Variants in CCDC172 observed in about 807,000 individuals in gnomAD.
CCDC172 encodes coiled-coil domain-containing protein 172.
A neutral mutation model predicts 38.0 loss-of-function variants in CCDC172; 30 were observed. The ratio of observed to expected loss-of-function variants is 0.79; its 90% CI spans 0.59 to 1.07. The LOEUF (loss-of-function observed/expected upper bound fraction) is 1.07. CCDC172 is among the 50% of genes least tolerant of loss of function. The pLI is 0.00. For synonymous variants in CCDC172, 78 were observed against 88.3 expected, an observed-to-expected ratio of 0.88 and a Z score of 0.66; for missense variants, 297 against 290.1, an observed-to-expected ratio of 1.02 and a Z score of -0.17.
chr10:116,338,590 T>C (rs1844757790), intron 3 of CCDC172, among the ~76,000 whole-genome samples: 1 of 152,132 alleles, frequency 6.6e-6, no homozygotes, highest in Non-Finnish European at 1.5e-5. Flanking sequence ...TAGATTTCAT[T>C]TTTTAGGTAA....
At chr10:116,361,482 A>G (rs1845063883) in intron 7 of CCDC172, among the ~76,000 whole-genome samples, 1 of 152,198 alleles carries the variant, frequency 6.6e-6, no homozygotes, top group Non-Finnish European at 1.5e-5. Flanking sequence ...TGCAATAGGA[A>G]GATTGTTTTA....
intron 7 of CCDC172, among the ~76,000 whole-genome samples, chr10:116,368,673 T>C (rs1305088351): frequency 6.6e-6 from 1 of 152,030 alleles, no homozygotes; most frequent in Non-Finnish European, 1.5e-5. Context: ...ATTATTTTTT[T>C]CAAGAAGCCC....
At chr10:116,365,032 A>G (rs1845106620) in intron 7 of CCDC172, among the ~76,000 whole-genome samples, 1 of 152,166 alleles carries the variant, frequency 6.6e-6, no homozygotes, top group South Asian at 2.1e-4. Flanking sequence ...AGTGACAATA[A>G]CCAGTGCAAA....
At chr10:116,362,626 A>G (rs1006715340) in intron 7 of CCDC172, among the ~76,000 whole-genome samples, 8 of 152,210 alleles carry the variant, frequency 5.3e-5, no homozygotes, top group Non-Finnish European at 1.0e-4. Context: ...AGCTCAAAGT[A>G]GACAAGAGTA....
chr10:116,357,311 G>T, intron 5 of CCDC172, 69 bp from the exon 6 acceptor site: 1 of 934,338 alleles, frequency 1.1e-6, no homozygotes, highest in Admixed American at 3.1e-5. Flanking sequence ...TAGTGTACAG[G>T]TCTTTTACTT....
At chr10:116,360,064 T>C (rs1303566323) in intron 7 of CCDC172, among the ~76,000 whole-genome samples, 2 of 152,146 alleles carry the variant, frequency 1.3e-5, no homozygotes, top group Admixed American at 6.5e-5. Flanking sequence ...ATCAAGATGT[T>C]TGTTTATTTA....
At chr10:116,357,635 A>T (rs980115696) in intron 6 of CCDC172, among the ~76,000 whole-genome samples, 154 bp downstream of exon 6, 37 of 152,152 alleles carry the variant, frequency 2.4e-4, no homozygotes, top group African/African-American at 8.7e-4. Flanking sequence ...TCAACGTGAG[A>T]TCTGATATTT....
chr10:116,370,408 A>G (rs1468502455), intron 7 of CCDC172, among the ~76,000 whole-genome samples: 6 of 151,886 alleles, frequency 4.0e-5, no homozygotes, highest in African/African-American at 1.2e-4. Flanking sequence ...AGCTTTGGCA[A>G]TCCATTTATA....
intron 5 of CCDC172, among the ~76,000 whole-genome samples, chr10:116,354,922 A>T (rs1428924058): frequency 6.6e-6 from 1 of 152,208 alleles, no homozygotes; most frequent in Non-Finnish European, 1.5e-5. Context: ...TTTACAAAAA[A>T]AGTTTAAGAA....
At position 116,379,599 on chromosome 10, in the gene CCDC172, GAGA is replaced by G. The variant is rs375881513; in HGVS notation, c.*247_*249del. On this transcript the variant is annotated 3_prime_UTR_variant, in exon 9 of 9. Coordinates refer to ENST00000333254, the MANE Select transcript of CCDC172 (RefSeq NM_198515.3). The stretch of plus-strand genomic sequence containing the variant: ...ATTTTGTTTCTAAAAGAAGGAAAAG[GAGA>G]AGAAGTAGATACCGTGTTCCCAGGC... 3.5e-5 allele frequency: 12 copies of G among 347,544 alleles called. No homozygotes were observed. The highest frequency in any genetic ancestry group is 1.7e-4 in the African/African-American group (8 of 46,984). The allele number at this position is 347,544 out of a possible 1,614,324, so 21.5% of individuals were successfully genotyped here. A position where few individuals can be genotyped will look rare whatever the true frequency, so the allele number is the denominator to read the frequency against.
At chr10:116,336,902 C>A (rs1300597833) in intron 3 of CCDC172, among the ~76,000 whole-genome samples, 2 of 152,084 alleles carry the variant, frequency 1.3e-5, no homozygotes, top group African/African-American at 2.4e-5. Flanking sequence ...GGCACCCAGG[C>A]AGCAAGAGTA....
intron 2 of CCDC172, 100 bp from the exon 3 acceptor site, chr10:116,325,203 C>A: frequency 1.4e-6 from 2 of 1,456,142 alleles, no homozygotes; most frequent in South Asian, 1.2e-5. Flanking sequence ...GCTTGCATGC[C>A]ATGCTGAGGG....
intron 3 of CCDC172, among the ~76,000 whole-genome samples, chr10:116,333,288 T>C (rs1203363511): frequency 6.6e-6 from 1 of 152,198 alleles, no homozygotes; most frequent in African/African-American, 2.4e-5. Context: ...GTTCTCATTT[T>C]CTTGAATACT....
At chr10:116,372,167 A>G (rs1486486905) in intron 7 of CCDC172, among the ~76,000 whole-genome samples, 2 of 152,052 alleles carry the variant, frequency 1.3e-5, no homozygotes, top group Non-Finnish European at 1.5e-5. Context: ...GCTTGTATAC[A>G]TAACTTATAG....
chr10:116,347,155 A>G (rs1376497358), intron 5 of CCDC172, among the ~76,000 whole-genome samples: 3 of 152,180 alleles, frequency 2.0e-5, no homozygotes, highest in Non-Finnish European at 4.4e-5. Flanking sequence ...TCACCTAGAG[A>G]GAATGTATTG....
At chr10:116,359,942 C>T (rs117382009) in intron 7 of CCDC172, among the ~76,000 whole-genome samples, 3,914 of 152,210 alleles carry the variant, frequency 0.026, 83 homozygotes, top group Non-Finnish European at 0.034. Context: ...ACCAGTGTTT[C>T]ACAGTTTAGT....
intron 7 of CCDC172, among the ~76,000 whole-genome samples, chr10:116,370,483 C>T (rs1444322915): frequency 6.6e-6 from 1 of 151,824 alleles, no homozygotes; most frequent in Admixed American, 6.6e-5. Flanking sequence ...CTCTTTTTCC[C>T]AGTGGTTTGA....
At chr10:116,337,990 A>G (rs1844751207) in intron 3 of CCDC172, among the ~76,000 whole-genome samples, 1 of 152,214 alleles carries the variant, frequency 6.6e-6, no homozygotes, top group Non-Finnish European at 1.5e-5. Flanking sequence ...CGAATAGGAG[A>G]CTGTGAAAAG....
At chr10:116,358,041 G>GA (rs1330698686) in intron 7 of CCDC172, 103 bp downstream of exon 7, 8 of 651,820 alleles carry the variant, frequency 1.2e-5, no homozygotes, top group Non-Finnish European at 2.2e-5. Flanking sequence ...TGAAGTTCCA[G>GA]ATGAGGACAT....
Sources: gnomAD v4.1 joint callset for allele counts (sites outside exome capture counted in the v4.1 genomes callset) on GRCh38, gnomAD v4.1.1 for gene constraint, MANE v1.5 for transcripts, NCBI Gene and HGNC (gene_info 2026-07-23, HGNC 2026-07-21) for gene names.